Variants in GRAMD1B observed in about 807,000 individuals in gnomAD.
The protein encoded by GRAMD1B is GRAM domain containing 1B, also known as protein Aster-B.
In GRAMD1B, 37 loss-of-function variants were observed where a neutral mutation model predicts 99.7. The observed-to-expected ratio is 0.37, with a 90% confidence interval of 0.29 to 0.49. The LOEUF (loss-of-function observed/expected upper bound fraction) is 0.49, where lower values mean the gene tolerates loss of function less well. GRAMD1B is among the 20% of genes least tolerant of loss of function. The probability of loss-of-function intolerance (pLI) is 0.98; values close to 1 mark genes in which losing one functional copy is unlikely to be tolerated. For missense variants in GRAMD1B, 888 were observed against 1,009.2 expected, an observed-to-expected ratio of 0.88 and a Z score of 1.63; for synonymous variants, 427 against 387.6, an observed-to-expected ratio of 1.10 and a Z score of -1.19.
In GRAMD1B at chr11:123,513,348, T is replaced by C. The variant is rs994490216; in HGVS notation, c.452+32455T>C. 5.3e-5 allele frequency among the ~76,000 whole-genome samples: 8 copies of C among 152,238 alleles called. 1 individual carries two copies. The highest frequency in any genetic ancestry group is 3.9e-4 in the East Asian group (2 of 5,172). ...ACCTTCTGGAGTCTGGATTTTGAGG[T>C]TCTATTAGTCCACTGCATTGTCATA... On this transcript the variant is annotated intron_variant, in intron 2 of 19. Coordinates refer to ENST00000635736, the MANE Select transcript of GRAMD1B (RefSeq NM_001387025.1).
intron 1 of GRAMD1B, among the ~76,000 whole-genome samples, chr11:123,388,809 A>T (rs1217453439): frequency 1.3e-5 from 2 of 152,122 alleles, no homozygotes; most frequent in African/African-American, 4.8e-5. Flanking sequence ...CCCTGCTAGA[A>T]CCCAGCCATG....
intron 2 of GRAMD1B, among the ~76,000 whole-genome samples, chr11:123,543,974 C>G (rs933132217): frequency 3.9e-5 from 6 of 152,212 alleles, no homozygotes; most frequent in Non-Finnish European, 7.3e-5. Flanking sequence ...GTTTGCCGAC[C>G]TTGCTTTATA....
chr11:123,447,248 G>A (rs904254183), intron 1 of GRAMD1B, among the ~76,000 whole-genome samples: 2 of 152,162 alleles, frequency 1.3e-5, no homozygotes, highest in African/African-American at 4.8e-5. Flanking sequence ...TCAGACAGAC[G>A]GGTCTCTCAG....
At chr11:123,541,541 T>C (rs1185565121) in intron 2 of GRAMD1B, among the ~76,000 whole-genome samples, 230 of 151,734 alleles carry the variant, frequency 1.5e-3, no homozygotes, top group South Asian at 0.01. Context: ...TGAATTGATT[T>C]TTTTTTTTTT....
At chr11:123,383,234 C>T (rs556393682) in intron 1 of GRAMD1B, among the ~76,000 whole-genome samples, 1 of 150,862 alleles carries the variant, frequency 6.6e-6, no homozygotes, top group Non-Finnish European at 1.5e-5. Flanking sequence ...CTCTCTCTCT[C>T]TCATTTCACC....
chr11:123,556,048 T>C (rs60794807), intron 2 of GRAMD1B, among the ~76,000 whole-genome samples: 14,945 of 152,270 alleles, frequency 0.098, 854 homozygotes, highest in East Asian at 0.27. Context: ...ATAAATTTTA[T>C]AAAAGGATAA....
intron 4 of GRAMD1B, among the ~76,000 whole-genome samples, chr11:123,590,071 C>T (rs546508098): frequency 6.6e-6 from 1 of 152,294 alleles, no homozygotes; most frequent in East Asian, 1.9e-4. Context: ...CTGGATTTTG[C>T]TGCTTTGAGG....
At chr11:123,598,657 C>T (rs1324975568) in intron 7 of GRAMD1B, 20 of 1,235,376 alleles carry the variant, frequency 1.6e-5, no homozygotes, top group East Asian at 2.3e-5. Context: ...GCTAAGAGAG[C>T]GGATTTCAAT....
Position 123,591,644 on chromosome 11 carries a change from A to G in GRAMD1B, c.685-2438A>G. The G allele has an allele frequency of 2.5e-6, 1 of 396,960 alleles. No individual in the cohort carries two copies. The highest frequency in any genetic ancestry group is 4.4e-6 in the Non-Finnish European group (1 of 225,548). The allele number at this position is 396,960 out of a possible 1,614,324, so 24.6% of individuals were successfully genotyped here. On this transcript the variant is annotated intron_variant, in intron 4 of 19. Coordinates refer to ENST00000635736, the MANE Select transcript of GRAMD1B (RefSeq NM_001387025.1). This position sits in a 1 kb window ranked among gnomAD's most constrained non-coding sequence, Gnocchi z 4.7. ...AAGGCCCCAGATTTGACAATCTTGG[A>G]ACCGAAATTATTTGACCATTTTAAA... is the stretch of plus-strand genomic sequence containing the variant.
intron 2 of GRAMD1B, among the ~76,000 whole-genome samples, chr11:123,559,251 CATT>C (rs1946453367): frequency 2.0e-5 from 3 of 152,200 alleles, no homozygotes; most frequent in African/African-American, 4.8e-5. Flanking sequence ...TAACCATCAT[CATT>C]GTTAGTGTTG....
At chr11:123,548,311 T>C (rs377098384) in intron 2 of GRAMD1B, among the ~76,000 whole-genome samples, 5,596 of 83,868 alleles carry the variant, frequency 0.067, 187 homozygotes, top group African/African-American at 0.089. Flanking sequence ...TATATATATA[T>C]ATATATATAT....
intron 2 of GRAMD1B, among the ~76,000 whole-genome samples, chr11:123,561,930 C>T (rs553608310): frequency 3.3e-4 from 50 of 152,288 alleles, no homozygotes; most frequent in Non-Finnish European, 6.5e-4. Flanking sequence ...AGTAGTGCCC[C>T]GTGAGGATTG....
chr11:123,412,967 C>T (rs991266587), intron 1 of GRAMD1B, among the ~76,000 whole-genome samples: 9 of 151,874 alleles, frequency 5.9e-5, no homozygotes, highest in African/African-American at 1.5e-4. Flanking sequence ...TTTTTAGTAG[C>T]GATGGGGTTT....
chr11:123,598,427 A>G, intron 7 of GRAMD1B: 6 of 947,562 alleles, frequency 6.3e-6, no homozygotes, highest in South Asian at 3.9e-5. Flanking sequence ...GTACATTTTC[A>G]TGAGTGAGAT....
intron 1 of GRAMD1B, among the ~76,000 whole-genome samples, chr11:123,376,829 G>C (rs114033026): frequency 0.011 from 1,654 of 152,232 alleles, 31 homozygotes; most frequent in African/African-American, 0.038. Context: ...GTGGTTGTCT[G>C]GGTTGCTGTT....
At chr11:123,370,751 T>C (rs1311668072) in intron 1 of GRAMD1B, among the ~76,000 whole-genome samples, 1 of 152,256 alleles carries the variant, frequency 6.6e-6, no homozygotes, top group South Asian at 2.1e-4. Context: ...GGAAACGTTT[T>C]TGAAGAGTCA....
At chr11:123,398,828 A>G (rs1232615874) in intron 1 of GRAMD1B, among the ~76,000 whole-genome samples, 1 of 152,202 alleles carries the variant, frequency 6.6e-6, no homozygotes, top group Non-Finnish European at 1.5e-5. Flanking sequence ...GAGTTTAGGA[A>G]TAAGTATACA....
chr11:123,479,914 C>T (rs766286410), intron 1 of GRAMD1B, among the ~76,000 whole-genome samples: 6 of 152,082 alleles, frequency 3.9e-5, no homozygotes, highest in Non-Finnish European at 8.8e-5. Flanking sequence ...GTACAAAAAC[C>T]ACCCTTAGCT....
At chr11:123,386,548 C>T (rs1273272743) in intron 1 of GRAMD1B, among the ~76,000 whole-genome samples, 1 of 151,418 alleles carries the variant, frequency 6.6e-6, no homozygotes, top group Non-Finnish European at 1.5e-5. Flanking sequence ...AGCGATTCTC[C>T]TGCCTTACCC....
Sources: gnomAD v4.1 joint callset for allele counts (sites outside exome capture counted in the v4.1 genomes callset) on GRCh38, gnomAD v4.1.1 for gene constraint, Gnocchi (gnomAD v3.1) non-coding constraint, MANE v1.5 for transcripts, NCBI Gene and HGNC (gene_info 2026-07-23, HGNC 2026-07-21) for gene names.